Variants in DCC observed in about 807,000 individuals in gnomAD.
DCC encodes netrin receptor DCC.
Under a neutral mutation model 172.5 loss-of-function variants are expected in DCC, and 58 were observed. The observed-to-expected ratio is 0.34, with a 90% CI of 0.27 to 0.42. DCC has a LOEUF of 0.42. Among genes scored for constraint, DCC ranks in the 10% least tolerant of loss-of-function variants. The pLI, the probability that DCC is intolerant of heterozygous loss-of-function variation, is 1.00. For missense variants in DCC, 1,740 were observed against 1,791.0 expected, an observed-to-expected ratio of 0.97 and a Z score of 0.51; for synonymous variants, 709 against 644.5, an observed-to-expected ratio of 1.10 and a Z score of -1.52.
At chr18:53,177,366 C>G (rs563193054) in intron 8 of DCC, among the ~76,000 whole-genome samples, 35 of 152,152 alleles carry the variant, frequency 2.3e-4, no homozygotes, top group Admixed American at 6.5e-4. Flanking sequence ...TTATTAAACA[C>G]TAACGTCCCA....
At chr18:53,049,196 A>G (rs2042300625) in intron 5 of DCC, among the ~76,000 whole-genome samples, 1 of 151,640 alleles carries the variant, frequency 6.6e-6, no homozygotes. Context: ...ATTAGGTTCC[A>G]TTTCTCAATT....
At chr18:53,352,579 A>C (rs568657843) in intron 15 of DCC, among the ~76,000 whole-genome samples, 1 of 152,266 alleles carries the variant, frequency 6.6e-6, no homozygotes, top group South Asian at 2.1e-4. Context: ...ATGGGTACAT[A>C]TATTCATTAT....
intron 1 of DCC, among the ~76,000 whole-genome samples, chr18:52,422,924 G>T (rs1830526589): frequency 6.6e-6 from 1 of 152,146 alleles, no homozygotes; most frequent in African/African-American, 2.4e-5. Flanking sequence ...TGGAGGGCTT[G>T]TGCAGGTGGT....
At chr18:53,195,309 T>G (rs2055427211) in intron 9 of DCC, among the ~76,000 whole-genome samples, 1 of 152,196 alleles carries the variant, frequency 6.6e-6, no homozygotes, top group Non-Finnish European at 1.5e-5. Context: ...TGAATACTTG[T>G]ACCTAAACTG....
intron 5 of DCC, among the ~76,000 whole-genome samples, chr18:52,958,158 GTTCT>G (rs2040778281): frequency 6.6e-6 from 1 of 151,824 alleles, no homozygotes; most frequent in South Asian, 2.1e-4. Flanking sequence ...TTTTCATATT[GTTCT>G]TTCTTTTTAA....
In DCC at chr18:52,803,660, G is replaced by A. The variant is rs568161722; in HGVS notation, c.412+51286G>A. Among the ~76,000 whole-genome samples the A allele has an allele frequency of 9.2e-5, 14 of 152,102 alleles. No homozygotes were observed. The East Asian group carries it at 2.7e-3, about 29-fold the overall frequency. The stretch of plus-strand genomic sequence containing the variant: ...AAATTATTGCAAATCTCCAAAAAAA[G>A]TTTCCAAAATGTCTATTGAAAAAAA... On this transcript the variant is annotated intron_variant, in intron 2 of 28. Coordinates refer to ENST00000442544, the MANE Select transcript of DCC (RefSeq NM_005215.4).
At chr18:52,661,160 T>G (rs898065756) in intron 1 of DCC, among the ~76,000 whole-genome samples, 23 of 152,188 alleles carry the variant, frequency 1.5e-4, no homozygotes, top group African/African-American at 5.5e-4. Flanking sequence ...TACAACTCGC[T>G]GCTGAACAAG....
intron 7 of DCC, among the ~76,000 whole-genome samples, chr18:53,114,859 A>T (rs1476370665): frequency 6.6e-6 from 1 of 151,638 alleles, no homozygotes; most frequent in Non-Finnish European, 1.5e-5. Flanking sequence ...CAAATGGAAT[A>T]CAGATGAAGA....
At chr18:53,233,158 G>A (rs1252118381) in intron 12 of DCC, among the ~76,000 whole-genome samples, 1 of 152,072 alleles carries the variant, frequency 6.6e-6, no homozygotes. Flanking sequence ...TATAATGGCT[G>A]AAAAGCATAG....
chr18:53,207,521 G>C (rs918555774), intron 10 of DCC, among the ~76,000 whole-genome samples, 158 bp from the exon 11 acceptor site: 80 of 152,224 alleles, frequency 5.3e-4, no homozygotes, highest in Middle Eastern at 6.8e-3. Flanking sequence ...GGTTTTTAGT[G>C]GGGGAGTCTG....
intron 2 of DCC, among the ~76,000 whole-genome samples, chr18:52,811,486 G>A (rs972730502): frequency 4.6e-5 from 7 of 152,004 alleles, no homozygotes; most frequent in African/African-American, 1.7e-4. Flanking sequence ...AATTAATGTT[G>A]GAAAATTATA....
chr18:53,208,871 C>T (rs760983108), intron 11 of DCC, among the ~76,000 whole-genome samples: 2 of 152,158 alleles, frequency 1.3e-5, no homozygotes, highest in Non-Finnish European at 2.9e-5. Context: ...CCTGGGATTA[C>T]AGGTGCATGC....
intron 2 of DCC, among the ~76,000 whole-genome samples, chr18:52,874,866 G>A (rs908106583): frequency 6.6e-6 from 1 of 152,064 alleles, no homozygotes; most frequent in Non-Finnish European, 1.5e-5. Context: ...GAAGGGGAGG[G>A]TTAGTCTAGA....
At position 53,344,929 on chromosome 18, in the gene DCC, T is replaced by G. The variant is rs573240353; in HGVS notation, c.2359+5022T>G. 2.0e-5 allele frequency among the ~76,000 whole-genome samples: 3 copies of G among 150,726 alleles called. No individual in the cohort carries two copies. The South Asian group carries it at 6.3e-4, about 32-fold the overall frequency. On this transcript the variant is annotated intron_variant, in intron 15 of 28. Coordinates refer to ENST00000442544, the MANE Select transcript of DCC (RefSeq NM_005215.4). Reference sequence around the variant, plus strand: ...AAGAAAAGAAAAGAAATATGTCTTATAAGAGATCAGCTGACTTTTTCTATA... The same window carrying G: ...AAGAAAAGAAAAGAAATATGTCTTAGAAGAGATCAGCTGACTTTTTCTATA...
intron 15 of DCC, among the ~76,000 whole-genome samples, chr18:53,351,549 G>C (rs1163084222): frequency 7.1e-6 from 1 of 140,192 alleles, no homozygotes; most frequent in African/African-American, 2.6e-5. Context: ...TCTCCAAATA[G>C]AGGTGTCTTC....
chr18:53,095,489 T>G (rs1004783223), intron 7 of DCC, among the ~76,000 whole-genome samples: 2 of 152,214 alleles, frequency 1.3e-5, no homozygotes, highest in African/African-American at 2.4e-5. Context: ...TAAACCAACA[T>G]AAATGTATTA....
At chr18:53,464,647 C>A (rs1226857042) in intron 24 of DCC, among the ~76,000 whole-genome samples, 1 of 151,512 alleles carries the variant, frequency 6.6e-6, no homozygotes, top group African/African-American at 2.4e-5. Flanking sequence ...AACTGAAAAC[C>A]CACACACAGA....
chr18:53,371,167 T>A (rs2058057106), intron 15 of DCC, among the ~76,000 whole-genome samples: 1 of 151,832 alleles, frequency 6.6e-6, no homozygotes, highest in African/African-American at 2.4e-5. Context: ...AGTTATAAAG[T>A]AACATTTCAG....
At chr18:53,181,965 A>T (rs897756809) in intron 9 of DCC, among the ~76,000 whole-genome samples, 35 of 152,332 alleles carry the variant, frequency 2.3e-4, no homozygotes, top group Non-Finnish European at 4.7e-4. Context: ...TCAGTCTTGT[A>T]ATCCAGTTAC....
Sources: allele counts gnomAD v4.1 joint callset (sites outside exome capture counted in the v4.1 genomes callset), GRCh38; gene constraint gnomAD v4.1.1; transcripts MANE v1.5; gene names NCBI Gene and HGNC (gene_info 2026-07-23, HGNC 2026-07-21).